GUCY1A2: variants seen among roughly 807,000 people sequenced by gnomAD.
GUCY1A2 encodes the protein guanylate cyclase soluble subunit alpha-2.
A neutral mutation model predicts 63.5 loss-of-function variants in GUCY1A2; 27 were observed. The ratio of observed to expected loss-of-function variants is 0.43; its 90% confidence interval spans 0.31 to 0.59. GUCY1A2 has a LOEUF of 0.59. Among genes scored for constraint, GUCY1A2 ranks in the 20% least tolerant of loss-of-function variants. The probability of loss-of-function intolerance (pLI) is 0.11; values close to 1 mark genes in which losing one functional copy is unlikely to be tolerated. For synonymous variants in GUCY1A2, 364 were observed against 343.5 expected, an observed-to-expected ratio of 1.06 and a Z score of -0.66; for missense variants, 768 against 913.3, an observed-to-expected ratio of 0.84 and a Z score of 2.05.
intron 3 of GUCY1A2, among the ~76,000 whole-genome samples, chr11:106,971,440 G>A (rs1203371097): frequency 6.6e-6 from 1 of 152,028 alleles, no homozygotes; most frequent in Non-Finnish European, 1.5e-5. Flanking sequence ...CTGTATTTTA[G>A]TTGATAAAAT....
chr11:106,802,488 A>T (rs1858623278), intron 5 of GUCY1A2, among the ~76,000 whole-genome samples: 1 of 152,210 alleles, frequency 6.6e-6, no homozygotes, highest in Admixed American at 6.6e-5. Context: ...ATCTACTAAG[A>T]GAACTTACTA....
intron 4 of GUCY1A2, among the ~76,000 whole-genome samples, chr11:106,859,475 A>G (rs1385177547): frequency 1.3e-5 from 2 of 152,062 alleles, no homozygotes; most frequent in Non-Finnish European, 2.9e-5. Context: ...GAATTGTACA[A>G]TAGATTTAAT....
intron 4 of GUCY1A2, among the ~76,000 whole-genome samples, chr11:106,860,544 T>C (rs1859497116): frequency 6.6e-6 from 1 of 151,998 alleles, no homozygotes; most frequent in East Asian, 1.9e-4. Flanking sequence ...TACCATATTG[T>C]ATCTAATCTG....
At chr11:106,692,147 T>C (rs1480718156) in intron 7 of GUCY1A2, among the ~76,000 whole-genome samples, 1 of 152,170 alleles carries the variant, frequency 6.6e-6, no homozygotes, top group Non-Finnish European at 1.5e-5. Flanking sequence ...AAGCTCTGCC[T>C]AACAATCCAT....
chr11:106,983,227 GAGA>G (rs1861360636), intron 2 of GUCY1A2, among the ~76,000 whole-genome samples: 2 of 152,176 alleles, frequency 1.3e-5, no homozygotes, highest in African/African-American at 4.8e-5. Context: ...TGGAGATGAA[GAGA>G]AGATTTATCA....
chr11:106,755,087 T>G (rs1439616167), intron 6 of GUCY1A2, among the ~76,000 whole-genome samples: 1 of 152,174 alleles, frequency 6.6e-6, no homozygotes, highest in Admixed American at 6.5e-5. Context: ...GGAGAGTGTA[T>G]GTGTCCAGGA....
At chr11:106,822,763 T>C (rs1422933792) in intron 4 of GUCY1A2, among the ~76,000 whole-genome samples, 1 of 152,184 alleles carries the variant, frequency 6.6e-6, no homozygotes, top group Non-Finnish European at 1.5e-5. Flanking sequence ...CTCATCATTT[T>C]CCCTTATCAA....
intron 5 of GUCY1A2, among the ~76,000 whole-genome samples, chr11:106,791,446 A>G (rs1280857801): frequency 6.6e-6 from 1 of 150,674 alleles, no homozygotes; most frequent in Non-Finnish European, 1.5e-5. Flanking sequence ...TACTGTGAGT[A>G]TTCACCTGAT....
intron 4 of GUCY1A2, among the ~76,000 whole-genome samples, chr11:106,877,175 T>C (rs190067216): frequency 2.0e-5 from 3 of 152,166 alleles, no homozygotes; most frequent in Admixed American, 1.3e-4. Context: ...TGATTTTGTA[T>C]CCTGAGACTT....
intron 6 of GUCY1A2, among the ~76,000 whole-genome samples, chr11:106,721,027 CAT>C (rs1357406995): frequency 6.6e-6 from 1 of 151,402 alleles, no homozygotes. Context: ...AAATGTAAGT[CAT>C]ATGCTTCTCC....
chr11:106,960,589 G>C (rs1170076695), intron 3 of GUCY1A2, among the ~76,000 whole-genome samples: 1 of 152,114 alleles, frequency 6.6e-6, no homozygotes, highest in Non-Finnish European at 1.5e-5. Flanking sequence ...TGCATATTCA[G>C]GTTCCTTTAC....
rs960423931 is a variant in GUCY1A2, at chr11:106,683,635, C to T, written c.*3914G>A. On this transcript the variant is annotated 3_prime_UTR_variant, in exon 8 of 8. Coordinates refer to ENST00000526355, the MANE Select transcript of GUCY1A2 (RefSeq NM_000855.3). ...GAGAATGCTGTTTGCTGTGGCCAGGCGTGAGGGGGTGAGATGGTTTCTAGT... is the reference window on the plus strand; with the variant it reads ...GAGAATGCTGTTTGCTGTGGCCAGGTGTGAGGGGGTGAGATGGTTTCTAGT... The T allele has an allele frequency of 1.3e-5, 3 of 226,610 alleles. No individual in the cohort carries two copies. Among genetic ancestry groups the T allele is most frequent in the African/African-American group, 4.5e-5 (2 of 44,884 alleles). 14.0% of individuals were successfully genotyped at this position (226,610 alleles called of 1,614,324 possible).
intron 6 of GUCY1A2, among the ~76,000 whole-genome samples, chr11:106,740,591 G>A (rs1366396162): frequency 6.7e-6 from 1 of 150,102 alleles, no homozygotes; most frequent in African/African-American, 2.4e-5. Context: ...TTCCTCAAAT[G>A]CCCTGTTAGA....
chr11:106,790,838 G>A (rs1302110772), intron 5 of GUCY1A2, among the ~76,000 whole-genome samples: 1 of 152,178 alleles, frequency 6.6e-6, no homozygotes, highest in African/African-American at 2.4e-5. Context: ...TCCTACTGTG[G>A]CTGAGCTGGT....
At chr11:106,744,407 C>T (rs551876278) in intron 6 of GUCY1A2, among the ~76,000 whole-genome samples, 2 of 152,122 alleles carry the variant, frequency 1.3e-5, no homozygotes, top group Admixed American at 6.5e-5. Context: ...CCACCACACC[C>T]GGCTAATTTT....
At chr11:106,971,045 C>T (rs1003981530) in intron 3 of GUCY1A2, among the ~76,000 whole-genome samples, 1 of 152,052 alleles carries the variant, frequency 6.6e-6, no homozygotes, top group Non-Finnish European at 1.5e-5. Flanking sequence ...CAGATCGGTA[C>T]TTGCCAGGGA....
Position 106,992,412 on chromosome 11 carries a change from C to T in GUCY1A2, c.304-6281G>A, listed in dbSNP as rs1861482117. ...TGGTGAGATCTCAGCTCACTGCAAC[C>T]TCCACCTCCCGGGTTCAAGCGATTC... On this transcript the variant is annotated intron_variant, in intron 1 of 7. Transcript: ENST00000526355. Among the ~76,000 whole-genome samples the T allele has an allele frequency of 5.3e-5, 8 of 150,788 alleles. No homozygotes were observed. The South Asian group carries it at 1.7e-3, about 32-fold the overall frequency.
At chr11:106,754,058 A>G (rs1351068480) in intron 6 of GUCY1A2, among the ~76,000 whole-genome samples, 3 of 152,276 alleles carry the variant, frequency 2.0e-5, no homozygotes, top group South Asian at 4.1e-4. Flanking sequence ...TTCTCCTTGA[A>G]GAGGTCCTTC....
At chr11:106,694,454 T>C (rs1299167368) in intron 7 of GUCY1A2, among the ~76,000 whole-genome samples, 1 of 152,188 alleles carries the variant, frequency 6.6e-6, no homozygotes, top group Non-Finnish European at 1.5e-5. Context: ...TCTGAGTAAT[T>C]ATTAGGCTCC....
Sources: allele counts gnomAD v4.1 joint callset (sites outside exome capture counted in the v4.1 genomes callset), GRCh38; gene constraint gnomAD v4.1.1; transcripts MANE v1.5; gene names NCBI Gene and HGNC (gene_info 2026-07-23, HGNC 2026-07-21).